RAPGEF5: variants seen among roughly 807,000 people sequenced by gnomAD.
RAPGEF5 encodes M-Ras-regulated GEF.
In RAPGEF5, 65 loss-of-function variants were observed where a neutral mutation model predicts 125.2. The ratio of observed to expected loss-of-function variants is 0.52; its 90% confidence interval spans 0.43 to 0.64. The LOEUF is 0.64. RAPGEF5 is among the 30% of genes least tolerant of loss of function. The pLI, the probability that RAPGEF5 is intolerant of heterozygous loss-of-function variation, is 0.00. For synonymous variants in RAPGEF5, 391 were observed against 385.9 expected, an observed-to-expected ratio of 1.01 and a Z score of -0.16; for missense variants, 958 against 1,048.1, an observed-to-expected ratio of 0.91 and a Z score of 1.19.
intron 11 of RAPGEF5, among the ~76,000 whole-genome samples, chr7:22,190,565 CCTTAT>C (rs1360998225): frequency 2.8e-4 from 42 of 152,090 alleles, no homozygotes; most frequent in African/African-American, 8.2e-4. Context: ...AACAGAAATG[CCTTAT>C]CTTAATAGCC....
intron 6 of RAPGEF5, among the ~76,000 whole-genome samples, chr7:22,278,931 TC>T (rs1782615831): frequency 6.6e-6 from 1 of 152,006 alleles, no homozygotes; most frequent in African/African-American, 2.4e-5. Context: ...CTCTTGAAGT[TC>T]CGTAATTTTT....
intron 6 of RAPGEF5, among the ~76,000 whole-genome samples, chr7:22,268,971 G>A (rs1475494751): frequency 6.6e-6 from 1 of 151,968 alleles, no homozygotes; most frequent in Non-Finnish European, 1.5e-5. Flanking sequence ...CACTTGGGAG[G>A]GTGAGAGACA....
At chr7:22,292,177 TAC>T (rs1319251141) in intron 5 of RAPGEF5, among the ~76,000 whole-genome samples, 1 of 152,180 alleles carries the variant, frequency 6.6e-6, no homozygotes, top group Non-Finnish European at 1.5e-5. Context: ...TCTCAGTAAC[TAC>T]AGTGTGTCAG....
At chr7:22,257,643 C>T (rs1782031043) in intron 7 of RAPGEF5, among the ~76,000 whole-genome samples, 2 of 152,188 alleles carry the variant, frequency 1.3e-5, no homozygotes, top group African/African-American at 4.8e-5. Flanking sequence ...TCAATGCCAA[C>T]TCAAGCATTG....
At chr7:22,286,342 T>C (rs1782796291) in intron 6 of RAPGEF5, among the ~76,000 whole-genome samples, 1 of 152,202 alleles carries the variant, frequency 6.6e-6, no homozygotes, top group Non-Finnish European at 1.5e-5. Flanking sequence ...GCATCTAATA[T>C]AAATAATGCA....
At chr7:22,164,239 G>A (rs954647157) in intron 12 of RAPGEF5, among the ~76,000 whole-genome samples, 11 of 152,124 alleles carry the variant, frequency 7.2e-5, no homozygotes, top group Non-Finnish European at 1.2e-4. Context: ...GCAGAGACAG[G>A]AGGGTCACTT....
At chr7:22,242,016 A>G (rs1255545575) in intron 7 of RAPGEF5, among the ~76,000 whole-genome samples, 1 of 152,190 alleles carries the variant, frequency 6.6e-6, no homozygotes, top group Non-Finnish European at 1.5e-5. Context: ...ACAGGTTGGA[A>G]AAGTTCAAGG....
intron 1 of RAPGEF5, among the ~76,000 whole-genome samples, chr7:22,323,623 C>A (rs1783758360): frequency 6.6e-6 from 1 of 152,140 alleles, no homozygotes; most frequent in Admixed American, 6.5e-5. Context: ...CTTATCTCCA[C>A]TTGTCACTGA....
chr7:22,314,206 T>TA (rs1423128404), intron 3 of RAPGEF5, among the ~76,000 whole-genome samples: 3 of 152,102 alleles, frequency 2.0e-5, no homozygotes, highest in Admixed American at 1.3e-4. Context: ...TTTGTGATGT[T>TA]AAAAAAATGG....
intron 1 of RAPGEF5, among the ~76,000 whole-genome samples, chr7:22,323,735 C>G (rs1227838720): frequency 6.6e-6 from 1 of 152,060 alleles, no homozygotes; most frequent in East Asian, 1.9e-4. Context: ...CTGGCCAAAT[C>G]TGGGATGATT....
At chr7:22,306,842 G>C (rs1001006042) in intron 5 of RAPGEF5, among the ~76,000 whole-genome samples, 1 of 152,156 alleles carries the variant, frequency 6.6e-6, no homozygotes, top group Non-Finnish European at 1.5e-5. Context: ...TTGGCACCTT[G>C]TTGAAAACGA....
intron 11 of RAPGEF5, among the ~76,000 whole-genome samples, chr7:22,174,011 T>C (rs1444471313): frequency 6.6e-6 from 1 of 152,080 alleles, no homozygotes; most frequent in Non-Finnish European, 1.5e-5. Context: ...TAGTCCTTAA[T>C]CTCTCTAGGC....
At chr7:22,252,432 A>G (rs1786647012) in intron 7 of RAPGEF5, among the ~76,000 whole-genome samples, 1 of 152,226 alleles carries the variant, frequency 6.6e-6, no homozygotes, top group Non-Finnish European at 1.5e-5. Context: ...AAAACCTTGG[A>G]TTCTGGAGTA....
intron 1 of RAPGEF5, among the ~76,000 whole-genome samples, chr7:22,324,040 C>A (rs1408708793): frequency 6.6e-6 from 1 of 152,070 alleles, no homozygotes; most frequent in Non-Finnish European, 1.5e-5. Context: ...AAGTATCTCC[C>A]GCCGAAATAC....
In RAPGEF5 at chr7:22,153,720, A is replaced by C. The variant is rs530195280; in HGVS notation, c.1786+735T>G. Reference sequence around the variant, plus strand: ...GCCCCCACAGTGCTCACATTTTTCAACTACTGATGCTAAGTCACTTTCTTT... The same window carrying C: ...GCCCCCACAGTGCTCACATTTTTCACCTACTGATGCTAAGTCACTTTCTTT... On this transcript the variant is annotated intron_variant, in intron 17 of 25. Coordinates refer to ENST00000665637, the MANE Select transcript of RAPGEF5 (RefSeq NM_012294.5). Among the ~76,000 whole-genome samples the C allele has an allele frequency of 3.3e-5, 5 of 152,242 alleles. No homozygotes were observed. In the East Asian group the frequency reaches 5.8e-4, roughly 18 times the overall value.
At chr7:22,273,211 A>ATTTTTTTTT in intron 6 of RAPGEF5, among the ~76,000 whole-genome samples, 1 of 96,590 alleles carries the variant, frequency 1.0e-5, no homozygotes, top group Non-Finnish European at 1.9e-5. Context: ...ACTTAGGAGT[A>ATTTTTTTTT]TTTTTTTTTT....
chr7:22,356,775 G>T, intron 1 of RAPGEF5, 55 bp downstream of exon 1: 1 of 992,552 alleles, frequency 1.0e-6, no homozygotes, highest in Non-Finnish European at 1.3e-6. Flanking sequence ...GGGGGTGGGC[G>T]CGGGCTCCAC....
chr7:22,254,784 T>C (rs1786714047), intron 7 of RAPGEF5, among the ~76,000 whole-genome samples: 1 of 152,146 alleles, frequency 6.6e-6, no homozygotes, highest in East Asian at 1.9e-4. Flanking sequence ...CATCAGGCAC[T>C]AGATTATCAT....
At chr7:22,173,202 A>G (rs1293102991) in intron 11 of RAPGEF5, among the ~76,000 whole-genome samples, 1 of 152,254 alleles carries the variant, frequency 6.6e-6, no homozygotes, top group Non-Finnish European at 1.5e-5. Context: ...AAAATGTACC[A>G]TGTAATTTGA....
Sources: allele counts gnomAD v4.1 joint callset (sites outside exome capture counted in the v4.1 genomes callset), GRCh38; gene constraint gnomAD v4.1.1; transcripts MANE v1.5; gene names NCBI Gene and HGNC (gene_info 2026-07-23, HGNC 2026-07-21).